Variants in CLDN1 observed in about 807,000 individuals in gnomAD.
The protein encoded by CLDN1 is claudin 1, also known as claudin-1.
In CLDN1, 12 loss-of-function variants were observed where a neutral mutation model predicts 22.6. The ratio of observed to expected loss-of-function variants is 0.53; its 90% confidence interval spans 0.34 to 0.86. The LOEUF (loss-of-function observed/expected upper bound fraction) is 0.86. CLDN1 is among the 40% of genes least tolerant of loss of function. The pLI, the probability that CLDN1 is intolerant of heterozygous loss-of-function variation, is 0.02. For synonymous variants in CLDN1, 99 were observed against 103.8 expected (o/e 0.95, Z 0.28); for missense variants, 250 against 269.5 (o/e 0.93, Z 0.51).
chr3:190,318,592 A>C (rs1716831871), intron 1 of CLDN1, among the ~76,000 whole-genome samples: 1 of 152,224 alleles, frequency 6.6e-6, no homozygotes, highest in African/African-American at 2.4e-5. Flanking sequence ...ACCATTATAC[A>C]CTTGGCTACT....
Position 190,322,200 on chromosome 3 carries a change from T to C in CLDN1, c.7A>G (p.Asn3Asp). The change falls in exon 1 of 4, where the codon AAC becomes GAC. Residue 3 changes from asparagine to aspartate, a missense_variant. Coordinates refer to ENST00000295522, the MANE Select transcript of CLDN1 (RefSeq NM_021101.5). MA[N>D]AGLQLLGFIL... Reference sequence around the variant, plus strand: ...AAGCCCAACAGCTGCAGCCCCGCGTTGGCCATGACTCGCTCGGGCGCCCGC... The same window carrying C: ...AAGCCCAACAGCTGCAGCCCCGCGTCGGCCATGACTCGCTCGGGCGCCCGC... 1 of 1,613,682 alleles carries C rather than the reference T, an allele frequency of 6.2e-7. No homozygotes were observed. The highest frequency in any genetic ancestry group is 8.5e-7 in the Non-Finnish European group (1 of 1,179,984).
At position 190,308,121 on chromosome 3, in the gene CLDN1, G is replaced by T; in HGVS notation, c.*156C>A. ...AAGATTAAGCCATGTTTAGCACTGA[G>T]TATTTTAACACATGGGTTTTTTGTT... On this transcript the variant is annotated 3_prime_UTR_variant, in exon 4 of 4. Transcript: ENST00000295522. 1.2e-6 allele frequency: 1 copy of T among 860,080 alleles called. No individual in the cohort carries two copies. The highest frequency in any genetic ancestry group is 1.9e-6 in the Non-Finnish European group (1 of 526,396). 53.3% of individuals were successfully genotyped at this position (860,080 alleles called of 1,614,324 possible).
At chr3:190,320,139 A>G (rs1716880912) in intron 1 of CLDN1, among the ~76,000 whole-genome samples, 1 of 152,248 alleles carries the variant, frequency 6.6e-6, no homozygotes, top group African/African-American at 2.4e-5. Context: ...TTAACCAAAA[A>G]ATGAAAGTAA....
chr3:190,320,837 C>T (rs1716898336), intron 1 of CLDN1, among the ~76,000 whole-genome samples: 1 of 152,094 alleles, frequency 6.6e-6, no homozygotes, highest in Admixed American at 6.5e-5. Flanking sequence ...AAGGGCATAA[C>T]AGACACATGA....
At chr3:190,309,617 A>G (rs1716558181) in intron 3 of CLDN1, among the ~76,000 whole-genome samples, 1 of 152,250 alleles carries the variant, frequency 6.6e-6, no homozygotes. Flanking sequence ...CTGCAGTATT[A>G]AGAAAGATGA....
intron 1 of CLDN1, among the ~76,000 whole-genome samples, chr3:190,314,399 A>G (rs937893244): frequency 6.6e-6 from 1 of 151,738 alleles, no homozygotes; most frequent in African/African-American, 2.4e-5. Context: ...TAATCTCTTT[A>G]TTTTTCTTTT....
rs894280950 is a variant in CLDN1 at position 190,311,145 on chromosome 3, C to G, written c.389-892G>C. On this transcript the variant is annotated intron_variant, in intron 2 of 3. Transcript: ENST00000295522. ...TTCTCAAATAGACCATGCGAATGGTCTTGAACTTGTGATGCTTACTCCTAA... is the reference window on the plus strand; with the variant it reads ...TTCTCAAATAGACCATGCGAATGGTGTTGAACTTGTGATGCTTACTCCTAA... 6.6e-5 allele frequency among the ~76,000 whole-genome samples: 10 copies of G among 152,244 alleles called. No individual in the cohort carries two copies. The East Asian group carries it at 1.9e-3, about 30-fold the overall frequency.
In CLDN1 at chr3:190,310,151, A is replaced by G; in HGVS notation, c.473+18T>C. On this transcript the variant is annotated intron_variant, in intron 3 of 3. Transcript: ENST00000295522. ...ATTTTCTCAGAAAACAAACTATTTT[A>G]CGCCTGAATAGCGTTACCTGGCATT... The G allele has an allele frequency of 6.2e-7, 1 of 1,602,280 alleles. No individual in the cohort carries two copies. The highest frequency in any genetic ancestry group is 1.1e-5 in the South Asian group (1 of 90,852).
intron 3 of CLDN1, 126 bp downstream of exon 3, chr3:190,310,043 G>T (rs1294162782): frequency 3.9e-6 from 3 of 766,566 alleles, no homozygotes; most frequent in Admixed American, 2.0e-5. Flanking sequence ...CATTTAAATT[G>T]TTTGTAGGTT....
intron 2 of CLDN1, 129 bp from the exon 3 acceptor site, chr3:190,310,382 T>C: frequency 1.5e-6 from 1 of 672,410 alleles, no homozygotes; most frequent in East Asian, 2.7e-5. Flanking sequence ...TTTATTTTGG[T>C]ATTAGGGAGA....
chr3:190,308,552 C>A, intron 3 of CLDN1, 113 bp from the exon 4 acceptor site: 1 of 968,594 alleles, frequency 1.0e-6, no homozygotes, highest in Non-Finnish European at 1.6e-6. Context: ...GAAAATAACC[C>A]CTGAATATCC....
intron 1 of CLDN1, among the ~76,000 whole-genome samples, chr3:190,313,815 G>A (rs1159902335): frequency 6.6e-6 from 1 of 151,980 alleles, no homozygotes; most frequent in Admixed American, 6.6e-5. Flanking sequence ...CATTATTTTT[G>A]GTGTACTAAC....
At position 190,307,401 on chromosome 3, in the gene CLDN1, C is replaced by T. The variant is rs930595627; in HGVS notation, c.*876G>A. On this transcript the variant is annotated 3_prime_UTR_variant, in exon 4 of 4. Transcript: ENST00000295522. Reference sequence around the variant, plus strand: ...CAATCAATAAAGTTGTGTTACAACACCTGGGGGAACAGCATGCAGCTACTC... The same window carrying T: ...CAATCAATAAAGTTGTGTTACAACATCTGGGGGAACAGCATGCAGCTACTC... 2.6e-5 allele frequency: 4 copies of T among 152,110 alleles called. No homozygotes were observed. The highest frequency in any genetic ancestry group is 9.7e-5 in the African/African-American group (4 of 41,426). 9.4% of individuals were successfully genotyped at this position (152,110 alleles called of 1,614,324 possible).
intron 1 of CLDN1, among the ~76,000 whole-genome samples, chr3:190,316,136 T>C (rs1225707827): frequency 6.6e-6 from 1 of 152,228 alleles, no homozygotes; most frequent in African/African-American, 2.4e-5. Context: ...TATAGAATAA[T>C]ATATTATTTG....
At position 190,322,327 on chromosome 3, in the gene CLDN1, G is replaced by T. The variant is rs895866023; in HGVS notation, c.-121C>A. ...CCCGCGGAGGAAGTTAAGGCGGGGA[G>T]CCCTGCTCGCTGCGCCGCCGCTGGA... On this transcript the variant is annotated 5_prime_UTR_variant, in exon 1 of 4. Coordinates refer to ENST00000295522, the MANE Select transcript of CLDN1 (RefSeq NM_021101.5). 28 of 897,554 alleles carry T rather than the reference G, an allele frequency of 3.1e-5. No individual in the cohort carries two copies. The highest frequency in any genetic ancestry group is 4.4e-5 in the Non-Finnish European group (25 of 566,896). 55.6% of individuals were successfully genotyped at this position (897,554 alleles called of 1,614,324 possible). A position where few individuals can be genotyped will look rare whatever the true frequency, so the allele number is the denominator to read the frequency against.
chr3:190,321,883 A>G, intron 1 of CLDN1, 101 bp downstream of exon 1: 1 of 874,310 alleles, frequency 1.1e-6, no homozygotes, highest in Non-Finnish European at 1.9e-6. Flanking sequence ...GATCAACTGA[A>G]GACTGATAAC....
intron 1 of CLDN1, among the ~76,000 whole-genome samples, chr3:190,316,653 G>C (rs1215604043): frequency 6.6e-6 from 1 of 152,088 alleles, no homozygotes; most frequent in Non-Finnish European, 1.5e-5. Flanking sequence ...ATGAACTCCT[G>C]GATGATTTGA....
intron 1 of CLDN1, among the ~76,000 whole-genome samples, chr3:190,313,750 C>T (rs1469926188): frequency 6.6e-6 from 1 of 152,178 alleles, no homozygotes; most frequent in East Asian, 1.9e-4. Flanking sequence ...TAAAATAGCA[C>T]ACACAATAAT....
intron 2 of CLDN1, 102 bp downstream of exon 2, chr3:190,312,770 G>A (rs1716657039): frequency 7.6e-7 from 1 of 1,309,564 alleles, no homozygotes; most frequent in Non-Finnish European, 1.1e-6. Context: ...TTTGCAGTTT[G>A]CCTTAGAGAC....
Sources: gnomAD v4.1 joint callset for allele counts (sites outside exome capture counted in the v4.1 genomes callset) on GRCh38, gnomAD v4.1.1 for gene constraint, MANE v1.5 for transcripts, NCBI Gene and HGNC (gene_info 2026-07-23, HGNC 2026-07-21) for gene names.